Variants in TEX11 observed in about 807,000 individuals in gnomAD.
The protein encoded by TEX11 is testis-expressed protein 11.
Under a neutral mutation model 84.4 loss-of-function variants are expected in TEX11, and 7 were observed. That is an observed-to-expected ratio of 0.08 (90% CI 0.05 to 0.16). The LOEUF is 0.16. TEX11 is among the 10% of genes least tolerant of loss of function. TEX11 has a pLI of 1.00. For synonymous variants in TEX11, 264 were observed against 222.8 expected (o/e 1.18, Z -1.64); for missense variants, 551 against 660.5 (o/e 0.83, Z 1.82).
In TEX11 at chrX:70,907,764, A is replaced by T; in HGVS notation, c.26T>A (p.Met9Lys). The change falls in exon 2 of 30, where the codon ATG becomes AAG. Residue 9 changes from methionine (M) to lysine (K), a missense_variant. Transcript: ENST00000374333. ...GTAGAGCTACGTACCTTTAAAGTCCATGGAAAAAAAATCATCATTGTCCAT... is the reference window on the plus strand; with the variant it reads ...GTAGAGCTACGTACCTTTAAAGTCCTTGGAAAAAAAATCATCATTGTCCAT... MDNDDFFSMDFKEVVENLV... is the reference protein window; with the variant it reads MDNDDFFSKDFKEVVENLV... The T allele has an allele frequency of 8.4e-7, 1 of 1,189,356 alleles. No individual in the cohort carries two copies. The highest frequency in any genetic ancestry group is 1.1e-6 in the Non-Finnish European group (1 of 875,073).
chrX:70,747,800 T>C (rs1000296719), intron 9 of TEX11, among the ~76,000 whole-genome samples: 1 of 111,425 alleles, frequency 9.0e-6, no homozygotes, highest in Non-Finnish European at 1.9e-5. Flanking sequence ...CTAGGGTACA[T>C]GTGCACAACC....
chrX:70,836,300 C>A, intron 7 of TEX11, among the ~76,000 whole-genome samples: 1 of 111,083 alleles, frequency 9.0e-6, no homozygotes, highest in Non-Finnish European at 1.9e-5. Context: ...ACACCAAAAG[C>A]ATGATCCATA....
At chrX:70,683,445 A>G (rs779230076) in intron 13 of TEX11, among the ~76,000 whole-genome samples, 29 of 111,400 alleles carry the variant, frequency 2.6e-4, no homozygotes, top group Non-Finnish European at 3.8e-5. Flanking sequence ...AGCTTGGGCA[A>G]GATGGCAAAA....
chrX:70,839,383 CTG>C (rs1165068765), intron 7 of TEX11, among the ~76,000 whole-genome samples: 1 of 112,140 alleles, frequency 8.9e-6, no homozygotes, highest in Non-Finnish European at 1.9e-5. Context: ...CAAACAGGGT[CTG>C]GAGTGGACCT....
Position 70,772,464 on chromosome X carries a change from A to G in TEX11, c.693-28245T>C, listed in dbSNP as rs911610003. On this transcript the variant is annotated intron_variant, in intron 9 of 29. Coordinates refer to ENST00000374333, the MANE Select transcript of TEX11 (RefSeq NM_031276.3). ...TGACGCACACCTGTGGTCCCAGCAG[A>G]TATGGGAGGCTGAGGTGGGAAGATT... Among the ~76,000 whole-genome samples the G allele has an allele frequency of 4.5e-5, 5 of 110,783 alleles. No homozygotes were observed. In the East Asian group the frequency reaches 8.5e-4, roughly 19 times the overall value.
chrX:70,867,494 G>A (rs959351157), intron 4 of TEX11, among the ~76,000 whole-genome samples: 12 of 111,502 alleles, frequency 1.1e-4, no homozygotes, highest in African/African-American at 3.9e-4. Flanking sequence ...AGCTACCACT[G>A]ACTTTCTTCA....
At chrX:70,551,432 G>A (rs1186235698) in intron 28 of TEX11, among the ~76,000 whole-genome samples, 1 of 110,949 alleles carries the variant, frequency 9.0e-6, no homozygotes, top group East Asian at 2.8e-4. Flanking sequence ...TGAGGTGATG[G>A]ATACCCCATT....
intron 13 of TEX11, among the ~76,000 whole-genome samples, chrX:70,707,280 G>A (rs1211020836): frequency 9.0e-6 from 1 of 111,062 alleles, no homozygotes; most frequent in Non-Finnish European, 1.9e-5. Context: ...TCCATGTGCT[G>A]TCTTATATTA....
intron 5 of TEX11, among the ~76,000 whole-genome samples, chrX:70,857,920 T>C (rs111568259): frequency 0.017 from 1,910 of 111,059 alleles, 42 homozygotes; most frequent in African/African-American, 0.059. Context: ...CTGGATGAGA[T>C]TGGAGACTAT....
intron 13 of TEX11, among the ~76,000 whole-genome samples, chrX:70,715,178 G>A (rs769421559): frequency 0.025 from 2,632 of 104,818 alleles, 216 homozygotes; most frequent in African/African-American, 0.09. Flanking sequence ...AGTCTGATGG[G>A]CTTCCCTTTG....
intron 25 of TEX11, among the ~76,000 whole-genome samples, chrX:70,576,694 G>A (rs539776361): frequency 8.0e-5 from 9 of 112,156 alleles, no homozygotes; most frequent in South Asian, 3.7e-4. Context: ...TGTGCTAGGC[G>A]CACAATACAA....
chrX:70,608,702 C>T (rs2089223696), intron 22 of TEX11, among the ~76,000 whole-genome samples: 1 of 102,303 alleles, frequency 9.8e-6, no homozygotes, highest in South Asian at 4.6e-4. Context: ...GATCAAGCCA[C>T]TGCACTCCAG....
intron 13 of TEX11, among the ~76,000 whole-genome samples, chrX:70,694,189 C>T (rs180676426): frequency 1.5e-3 from 168 of 110,706 alleles, no homozygotes; most frequent in Non-Finnish European, 2.9e-3. Flanking sequence ...GGACTACTGG[C>T]GCACACCACC....
intron 9 of TEX11, among the ~76,000 whole-genome samples, chrX:70,774,255 A>G (rs755929183): frequency 9.0e-4 from 97 of 107,989 alleles, no homozygotes; most frequent in Non-Finnish European, 8.6e-4. Context: ...ATATTTGACA[A>G]ACCCACAGCT....
intron 8 of TEX11, among the ~76,000 whole-genome samples, chrX:70,823,393 C>G (rs765913306): frequency 9.1e-6 from 1 of 110,006 alleles, no homozygotes; most frequent in Admixed American, 9.7e-5. Context: ...TTCTAAGAGA[C>G]TATATCTTAA....
chrX:70,608,938 T>C (rs2089228292), intron 22 of TEX11, among the ~76,000 whole-genome samples, 153 bp downstream of exon 22: 4 of 111,365 alleles, frequency 3.6e-5, no homozygotes, highest in Admixed American at 1.9e-4. Context: ...GCATGAAGTA[T>C]ATATAACTAT....
At chrX:70,787,169 A>G (rs1219003777) in intron 9 of TEX11, among the ~76,000 whole-genome samples, 1 of 111,664 alleles carries the variant, frequency 9.0e-6, no homozygotes, top group Admixed American at 9.5e-5. Flanking sequence ...AAAATTCAAC[A>G]TTTTTTCATT....
chrX:70,556,790 T>C (rs1484296848), intron 25 of TEX11, among the ~76,000 whole-genome samples: 4 of 111,350 alleles, frequency 3.6e-5, no homozygotes, highest in Middle Eastern at 4.6e-3. Context: ...TTGCTTCAAG[T>C]GTTTTGAAGC....
chrX:70,790,586 G>A (rs2091111881), intron 9 of TEX11, among the ~76,000 whole-genome samples: 1 of 112,390 alleles, frequency 8.9e-6, no homozygotes, highest in African/African-American at 3.2e-5. Context: ...GGCAGCTGCA[G>A]TAAAACACGA....
Sources: gnomAD v4.1 joint callset for allele counts (sites outside exome capture counted in the v4.1 genomes callset) on GRCh38, gnomAD v4.1.1 for gene constraint, MANE v1.5 for transcripts, NCBI Gene and HGNC (gene_info 2026-07-23, HGNC 2026-07-21) for gene names.